NDUFA5: variants seen among roughly 807,000 people sequenced by gnomAD.
NDUFA5 encodes NADH:ubiquinone oxidoreductase subunit A5.
In NDUFA5, 11 loss-of-function variants were observed where a neutral mutation model predicts 19.8. The ratio of observed to expected loss-of-function variants is 0.56; its 90% confidence interval spans 0.35 to 0.92. The LOEUF is 0.92. Among genes scored for constraint, NDUFA5 ranks in the 40% least tolerant of loss-of-function variants. The pLI, the probability that NDUFA5 is intolerant of heterozygous loss-of-function variation, is 0.01. For missense variants in NDUFA5, 109 were observed against 134.2 expected, an observed-to-expected ratio of 0.81 and a Z score of 0.93; for synonymous variants, 47 against 46.8, an observed-to-expected ratio of 1.00 and a Z score of -0.01.
At chr7:123,559,857 CA>C (rs201033454), upstream of NDUFA5, among the ~76,000 whole-genome samples, 514 of 46,480 alleles carry the variant, frequency 0.011, no homozygotes, top group African/African-American at 0.025. Context: ...TTCCGTCTCA[CA>C]AAAAAAAAAA....
rs565648251 is a variant in NDUFA5, at chr7:123,549,007, T to C, written c.183+1463A>G. Among the ~76,000 whole-genome samples, 59 of 139,242 alleles carry C rather than the reference T, an allele frequency of 4.2e-4. 1 individual carries two copies. The highest frequency in any genetic ancestry group is 4.3e-4 in the East Asian group (2 of 4,602). The allele number at this position is 139,242 out of a possible 152,430, so 91.3% of individuals were successfully genotyped here. ...GTATAACTACTTACACAGCATTACA[T>C]TGTAGTATTATAAGTAACCTAGAGA... On this transcript the variant is annotated intron_variant, in intron 3 of 4. Coordinates refer to ENST00000355749, the MANE Select transcript of NDUFA5 (RefSeq NM_005000.5).
rs1480667264 is a variant in NDUFA5, at chr7:123,540,268, T to C, written c.*1851A>G. On this transcript the variant is annotated 3_prime_UTR_variant, in exon 5 of 5. Transcript: ENST00000355749. ...CAAACATTAGCTATTATTGTTATAA[T>C]ATTATTTTTACAATGACTATTATTC... The C allele has an allele frequency of 1.3e-5, 2 of 152,214 alleles. No individual in the cohort carries two copies. Among genetic ancestry groups the C allele is most frequent in the Non-Finnish European group, 2.9e-5 (2 of 68,028 alleles). The allele number at this position is 152,214 out of a possible 1,614,324, so 9.4% of individuals were successfully genotyped here.
the NDUFA5 span, among the ~76,000 whole-genome samples, chr7:123,565,924 CAG>C: frequency 6.6e-6 from 1 of 151,060 alleles, no homozygotes; most frequent in Non-Finnish European, 1.5e-5. Context: ...GAGGCTGAGA[CAG>C]GGGAATTGCT....
At chr7:123,553,295 A>G (rs905295536) in intron 2 of NDUFA5, among the ~76,000 whole-genome samples, 2 of 152,258 alleles carry the variant, frequency 1.3e-5, no homozygotes, top group Non-Finnish European at 2.9e-5. Flanking sequence ...ATGGCAGAAG[A>G]TGAAAGAGGG....
chr7:123,564,254 T>C, the NDUFA5 span, among the ~76,000 whole-genome samples: 6 of 152,240 alleles, frequency 3.9e-5, no homozygotes, highest in African/African-American at 1.4e-4. Flanking sequence ...ACCCAGTATG[T>C]GTAATATGGC....
At chr7:123,543,934 T>G (rs2116054261) in intron 4 of NDUFA5, among the ~76,000 whole-genome samples, 1 of 152,284 alleles carries the variant, frequency 6.6e-6, no homozygotes, top group South Asian at 2.1e-4. Context: ...ATTCCTCTTT[T>G]TCCAGAGCCA....
upstream of NDUFA5, among the ~76,000 whole-genome samples, chr7:123,562,220 G>C (rs1321199691): frequency 6.6e-6 from 1 of 151,990 alleles, no homozygotes; most frequent in Non-Finnish European, 1.5e-5. Flanking sequence ...CCCAGACTTT[G>C]TTGTTCCATT....
At chr7:123,580,369 G>A in the NDUFA5 span, among the ~76,000 whole-genome samples, 2 of 151,980 alleles carry the variant, frequency 1.3e-5, no homozygotes, top group Non-Finnish European at 2.9e-5. Flanking sequence ...AGTGAGTGAA[G>A]CAGTCATCAC....
chr7:123,594,297 T>C, the NDUFA5 span, among the ~76,000 whole-genome samples: 1 of 152,108 alleles, frequency 6.6e-6, no homozygotes, highest in Non-Finnish European at 1.5e-5. Flanking sequence ...GTCAAACTCA[T>C]TCTCTGTCCA....
chr7:123,571,873 T>C, the NDUFA5 span, among the ~76,000 whole-genome samples: 1 of 152,100 alleles, frequency 6.6e-6, no homozygotes, highest in Non-Finnish European at 1.5e-5. Flanking sequence ...CGAGTGATCC[T>C]CCTGTTTCAG....
At chr7:123,573,458 T>C in the NDUFA5 span, among the ~76,000 whole-genome samples, 1 of 152,114 alleles carries the variant, frequency 6.6e-6, no homozygotes, top group African/African-American at 2.4e-5. Context: ...TTTCTTGTCT[T>C]GGGGCCTCTG....
At chr7:123,555,715 A>G (rs114999691) in intron 2 of NDUFA5, 1 of 152,376 alleles carries the variant, frequency 6.6e-6, no homozygotes, top group African/African-American at 2.4e-5. Context: ...ACAGAGTTCT[A>G]GCAGTGAAAC....
At chr7:123,557,293 G>T in intron 2 of NDUFA5, 111 bp downstream of exon 2, 1 of 1,486,350 alleles carries the variant, frequency 6.7e-7, no homozygotes, top group South Asian at 1.2e-5. Flanking sequence ...CACGCGGCTT[G>T]TAATTAAGGG....
chr7:123,560,322 T>C (rs1184647658), upstream of NDUFA5, among the ~76,000 whole-genome samples: 1 of 152,198 alleles, frequency 6.6e-6, no homozygotes, highest in Admixed American at 6.5e-5. Context: ...ATTGGAAATA[T>C]TAGCTAAGGG....
chr7:123,588,359 T>A, the NDUFA5 span, among the ~76,000 whole-genome samples: 1 of 151,672 alleles, frequency 6.6e-6, no homozygotes, highest in South Asian at 2.1e-4. Context: ...TATTTCTGTA[T>A]TTTTATATAT....
intron 2 of NDUFA5, 152 bp from the exon 3 acceptor site, chr7:123,550,738 T>C: frequency 1.7e-6 from 1 of 583,798 alleles, no homozygotes; most frequent in Non-Finnish European, 3.0e-6. Flanking sequence ...CTCTGACTTC[T>C]TTATGTCTGT....
chr7:123,539,772 GCCTA>G lies in NDUFA5; in HGVS notation c.*2343_*2346del, dbSNP rs1797865814. On this transcript the variant is annotated 3_prime_UTR_variant, in exon 5 of 5. Coordinates refer to ENST00000355749, the MANE Select transcript of NDUFA5 (RefSeq NM_005000.5). Reference sequence around the variant, plus strand: ...GATACCTATCCCATTAACATAATCTGCCTATAACCTATATGCAGCTCTTTGCAGA... The same window carrying G: ...GATACCTATCCCATTAACATAATCTGTAACCTATATGCAGCTCTTTGCAGA... 6.6e-6 allele frequency: 1 copy of G among 152,154 alleles called. No homozygotes were observed. Among genetic ancestry groups the G allele is most frequent in the Admixed American group, 6.5e-5 (1 of 15,270 alleles). 9.4% of individuals were successfully genotyped at this position (152,154 alleles called of 1,614,324 possible). A position where few individuals can be genotyped will look rare whatever the true frequency, so the allele number is the denominator to read the frequency against.
chr7:123,592,133 C>T, the NDUFA5 span, among the ~76,000 whole-genome samples: 6 of 152,140 alleles, frequency 3.9e-5, no homozygotes, highest in African/African-American at 1.4e-4. Flanking sequence ...TCTGTGGGAT[C>T]AGTGGTGATA....
At position 123,540,502 on chromosome 7, in the gene NDUFA5, AC is replaced by A. The variant is rs1387039714; in HGVS notation, c.*1616del. On this transcript the variant is annotated 3_prime_UTR_variant, in exon 5 of 5. Coordinates refer to ENST00000355749, the MANE Select transcript of NDUFA5 (RefSeq NM_005000.5). ...TTGGCTAGAAAATTACCTTGAAAGT[AC>A]CCATGCAAACACACTTCAGCATCAT... 3 of 152,190 alleles carry A rather than the reference AC, an allele frequency of 2.0e-5. No homozygotes were observed. Among genetic ancestry groups the A allele is most frequent in the African/African-American group, 7.2e-5 (3 of 41,444 alleles). 9.4% of individuals were successfully genotyped at this position (152,190 alleles called of 1,614,324 possible).
Sources: gnomAD v4.1 joint callset for allele counts (sites outside exome capture counted in the v4.1 genomes callset) on GRCh38, gnomAD v4.1.1 for gene constraint, MANE v1.5 for transcripts, NCBI Gene and HGNC (gene_info 2026-07-23, HGNC 2026-07-21) for gene names.